The following CXADR variants were observed in gnomAD, a reference collection of about 807,000 sequenced individuals.
CXADR encodes CXADR cell adhesion molecule, also known as coxsackievirus and adenovirus receptor.
Under a neutral mutation model 40.3 loss-of-function variants are expected in CXADR, and 20 were observed. That is an observed-to-expected ratio of 0.50 (90% CI 0.35 to 0.72). CXADR has a LOEUF of 0.72. CXADR is among the 30% of genes least tolerant of loss of function. The pLI, the probability that CXADR is intolerant of heterozygous loss-of-function variation, is 0.01. For missense variants in CXADR, 332 were observed against 449.1 expected, an observed-to-expected ratio of 0.74 and a Z score of 2.36; for synonymous variants, 150 against 161.3, an observed-to-expected ratio of 0.93 and a Z score of 0.53.
At chr21:17,628,333 G>C in the CXADR span, among the ~76,000 whole-genome samples, 2 of 152,214 alleles carry the variant, frequency 1.3e-5, no homozygotes, top group Non-Finnish European at 2.9e-5. Context: ...AGATAAGTTG[G>C]GAAGCTGGAG....
Position 17,576,401 on chromosome 21 carries a change from G to A in CXADR, c.1017+10790G>A, listed in dbSNP as rs145783735. 1.2e-4 allele frequency among the ~76,000 whole-genome samples: 19 copies of A among 152,250 alleles called. 1 individual carries two copies. The East Asian group carries it at 1.5e-3, about 12-fold the overall frequency. On this transcript the variant is annotated intron_variant, in intron 7 of 7. Transcript: ENST00000400169. Reference sequence around the variant, plus strand: ...AAAATAGGATAATAGTATCTACCTTGTAGTATCTATCCCAATTTTTATGGG... The same window carrying A: ...AAAATAGGATAATAGTATCTACCTTATAGTATCTATCCCAATTTTTATGGG...
At position 17,513,044 on chromosome 21, in the gene CXADR, G is replaced by C. The variant is rs1287901022; in HGVS notation, c.-86G>C. ...GAGGTGCCGCCGCCGCCGCGAGCCA[G>C]TCGGGAGCGCGCGAGGCGCGGGGAG... On this transcript the variant is annotated 5_prime_UTR_variant, in exon 1 of 7. Transcript: ENST00000284878. The C allele has an allele frequency of 1.3e-5, 16 of 1,256,470 alleles. No homozygotes were observed. Among genetic ancestry groups the C allele is most frequent in the African/African-American group, 1.6e-5 (1 of 63,552 alleles). The allele number at this position is 1,256,470 out of a possible 1,614,324, so 77.8% of individuals were successfully genotyped here.
the CXADR span, among the ~76,000 whole-genome samples, chr21:17,620,061 G>A: frequency 6.6e-6 from 1 of 152,160 alleles, no homozygotes; most frequent in Non-Finnish European, 1.5e-5. Context: ...TATCATTCAT[G>A]TATTCCCTGG....
At chr21:17,546,260 C>A (rs2849896) in intron 1 of CXADR, among the ~76,000 whole-genome samples, 13,619 of 152,204 alleles carry the variant, frequency 0.089, 888 homozygotes, top group African/African-American at 0.18. Context: ...TATACCCTAC[C>A]GACAGTGACT....
At chr21:17,529,635 A>G (rs919821656) in intron 1 of CXADR, among the ~76,000 whole-genome samples, 53 of 152,124 alleles carry the variant, frequency 3.5e-4, no homozygotes, top group Non-Finnish European at 6.3e-4. Context: ...TTTTGAATTA[A>G]GTACATTAAT....
intron 6 of CXADR, 38 bp downstream of exon 6, chr21:17,561,514 A>G (rs1268043474): frequency 6.5e-7 from 1 of 1,534,840 alleles, no homozygotes. Flanking sequence ...ATGTATACCA[A>G]ATATATGTCA....
chr21:17,584,223 C>G (rs538208897), intron 7 of CXADR, among the ~76,000 whole-genome samples: 58 of 152,330 alleles, frequency 3.8e-4, no homozygotes, highest in African/African-American at 1.2e-3. Context: ...CTGTATAGAC[C>G]TCAAGAACAT....
At chr21:17,606,118 A>T in the CXADR span, among the ~76,000 whole-genome samples, 2 of 152,342 alleles carry the variant, frequency 1.3e-5, no homozygotes, top group East Asian at 1.9e-4. Context: ...TAAGCATTTT[A>T]AAAAATTTAT....
At chr21:17,599,037 A>G in the CXADR span, 4 of 429,388 alleles carry the variant, frequency 9.3e-6, no homozygotes, top group East Asian at 3.5e-5. Flanking sequence ...GTATTCATAA[A>G]CATAACCCCA....
intron 7 of CXADR, chr21:17,593,116 A>C: frequency 7.6e-7 from 1 of 1,318,726 alleles, no homozygotes; most frequent in Non-Finnish European, 9.8e-7. Context: ...AAAAATCAAA[A>C]CTCTTATAGA....
chr21:17,604,461 A>G, the CXADR span, among the ~76,000 whole-genome samples: 3 of 152,100 alleles, frequency 2.0e-5, no homozygotes, highest in Non-Finnish European at 4.4e-5. Flanking sequence ...AAAAGAGGAG[A>G]GAGGGAGAAT....
At chr21:17,612,358 G>A in the CXADR span, 4 of 152,326 alleles carry the variant, frequency 2.6e-5, no homozygotes, top group Non-Finnish European at 5.9e-5. Context: ...CGACGCGAAG[G>A]GGGTGGACAG....
At chr21:17,548,341 G>C (rs1242257540) in intron 2 of CXADR, among the ~76,000 whole-genome samples, 1 of 152,124 alleles carries the variant, frequency 6.6e-6, no homozygotes, top group Non-Finnish European at 1.5e-5. Context: ...TGAGTGACTA[G>C]AGCCACCCCC....
the CXADR span, among the ~76,000 whole-genome samples, chr21:17,607,972 C>T: frequency 6.6e-6 from 1 of 152,160 alleles, no homozygotes; most frequent in South Asian, 2.1e-4. Context: ...AAAGACAGCT[C>T]CAAGTGAGAA....
At chr21:17,605,763 T>C in the CXADR span, among the ~76,000 whole-genome samples, 1 of 152,234 alleles carries the variant, frequency 6.6e-6, no homozygotes, top group African/African-American at 2.4e-5. Context: ...ATAAGCATTC[T>C]GATTAAGTAG....
chr21:17,524,143 C>G (rs552141582), intron 1 of CXADR, among the ~76,000 whole-genome samples: 8 of 152,076 alleles, frequency 5.3e-5, no homozygotes, highest in African/African-American at 1.9e-4. Flanking sequence ...ATCCACCCAC[C>G]TCAGCCTCCC....
the CXADR span, among the ~76,000 whole-genome samples, chr21:17,621,227 T>TA: frequency 2.6e-5 from 4 of 152,290 alleles, no homozygotes; most frequent in East Asian, 5.8e-4. Context: ...GGCATGATGA[T>TA]AAATAGGTTT....
In CXADR at chr21:17,565,603, C is replaced by T. The variant is rs371142866; in HGVS notation, c.1009C>T (p.Pro337Ser). ...CACTCCTCAGAGTCCGACTCTCCCA[C>T]CTGCTAAGGTAGCTGCCCCTAATCT... is the stretch of plus-strand genomic sequence containing the variant. ...ERTPQSPTLP[P>S]AKVAAPNLSR... The change falls in exon 7 of 7, where the codon CCT becomes TCT. Residue 337 changes from proline to serine, a missense_variant. Around this residue, in one of 3 missense-constraint regions of CXADR, gnomAD observed 150 missense variants for 194.2 expected, o/e 0.77. Coordinates refer to ENST00000284878, the MANE Select transcript of CXADR (RefSeq NM_001338.5). The T allele has an allele frequency of 6.2e-7, 1 of 1,613,006 alleles. No homozygotes were observed. The highest frequency in any genetic ancestry group is 1.3e-5 in the African/African-American group (1 of 74,998).
intron 1 of CXADR, among the ~76,000 whole-genome samples, chr21:17,543,899 A>C (rs1484578720): frequency 6.6e-6 from 1 of 152,156 alleles, no homozygotes; most frequent in Non-Finnish European, 1.5e-5. Context: ...ACAGTGGCTC[A>C]AGCCTGTAAT....
Sources: allele counts gnomAD v4.1 joint callset (sites outside exome capture counted in the v4.1 genomes callset), GRCh38; gene constraint gnomAD v4.1.1; regional missense constraint gnomAD v4.1.1; transcripts MANE v1.5; gene names NCBI Gene and HGNC (gene_info 2026-07-23, HGNC 2026-07-21).